The following XYLT1 variants were observed in gnomAD, a reference collection of about 807,000 sequenced individuals.
XYLT1 encodes xylosyltransferase 1.
In XYLT1, 36 loss-of-function variants were observed where a neutral mutation model predicts 91.3. That is an observed-to-expected ratio of 0.39 (90% CI 0.30 to 0.52). The LOEUF is 0.52. Ranked by LOEUF, XYLT1 falls within the 20% of genes least tolerant of loss-of-function variation. The probability of loss-of-function intolerance (pLI) is 0.68; values close to 1 mark genes in which losing one functional copy is unlikely to be tolerated. For synonymous variants in XYLT1, 588 were observed against 532.0 expected (o/e 1.11, Z -1.45); for missense variants, 1,242 against 1,284.5 (o/e 0.97, Z 0.51).
intron 2 of XYLT1, among the ~76,000 whole-genome samples, chr16:17,267,365 A>T (rs1301226131): frequency 6.6e-6 from 1 of 152,254 alleles, no homozygotes; most frequent in Non-Finnish European, 1.5e-5. Flanking sequence ...CAGCAGGATG[A>T]TATTTTAAGC....
Position 17,108,975 on chromosome 16 carries a change from T to C in XYLT1, c.2600A>G (p.Tyr867Cys). The change falls in exon 12 of 12, where the codon TAC becomes TGC. Residue 867 changes from tyrosine to cysteine, a missense_variant. Physicochemically the swap from Tyr to Cys is radical, Grantham distance 194 (BLOSUM62 -2). Coordinates refer to ENST00000261381, the MANE Select transcript of XYLT1 (RefSeq NM_022166.4). ...TAGGCTCTGGAAGCTCTGCTCCATG[T>C]AGGCATTGCGGAGGGGCCCATTGTG... is the stretch of plus-strand genomic sequence containing the variant. ...KLHNGPLRNAYMEQSFQSLNP... is the reference protein window; with the variant it reads ...KLHNGPLRNACMEQSFQSLNP... 3 of 1,562,254 alleles carry C rather than the reference T, an allele frequency of 1.9e-6. No homozygotes were observed. The highest frequency in any genetic ancestry group is 2.6e-6 in the Non-Finnish European group (3 of 1,146,186).
intron 2 of XYLT1, among the ~76,000 whole-genome samples, chr16:17,281,628 T>C (rs2034060227): frequency 1.3e-5 from 2 of 152,198 alleles, no homozygotes; most frequent in African/African-American, 4.8e-5. Context: ...CCTTTGTCTG[T>C]TGCACAGGGA....
intron 3 of XYLT1, among the ~76,000 whole-genome samples, chr16:17,240,894 T>C (rs1339118948): frequency 6.6e-6 from 1 of 152,168 alleles, no homozygotes; most frequent in African/African-American, 2.4e-5. Flanking sequence ...CAATGTTCCA[T>C]AGCTGTTGGT....
intron 2 of XYLT1, among the ~76,000 whole-genome samples, chr16:17,337,556 T>C (rs1340192748): frequency 1.3e-5 from 2 of 152,076 alleles, no homozygotes; most frequent in Non-Finnish European, 2.9e-5. Context: ...GACTTCACGT[T>C]GCTAAATCCA....
intron 1 of XYLT1, among the ~76,000 whole-genome samples, chr16:17,358,724 GT>G (rs1381635545): frequency 6.6e-6 from 1 of 152,182 alleles, no homozygotes. Flanking sequence ...TATAAGGAGA[GT>G]TTGGCTCCGT....
chr16:17,237,395 C>T (rs1448113881), intron 3 of XYLT1, among the ~76,000 whole-genome samples: 1 of 152,156 alleles, frequency 6.6e-6, no homozygotes, highest in African/African-American at 2.4e-5. Flanking sequence ...GACTCCTGCC[C>T]TCTCCTCTGC....
chr16:17,268,534 TATTAAA>T (rs147773801), intron 2 of XYLT1, among the ~76,000 whole-genome samples: 21,444 of 151,998 alleles, frequency 0.14, 2,454 homozygotes, highest in African/African-American at 0.32. Context: ...ATTTACTGAT[TATTAAA>T]ATTAAAAGTT....
chr16:17,138,445 C>T lies in XYLT1; in HGVS notation c.1674G>A (p.Lys558=). ...NNLRITNWNR[K]LGCKCQYKHI... is the part of the protein sequence containing the mutation. ...GCTTGTACTGGCACTTGCAGCCCAG[C>T]TTGCGATTCCAGTTGGTGATGCGCA... Residue 558 remains lysine (K), a synonymous_variant, in exon 8 of 12, where the codon AAG becomes AAA. Transcript: ENST00000261381. The T allele has an allele frequency of 6.2e-7, 1 of 1,614,214 alleles. No homozygotes were observed. Among genetic ancestry groups the T allele is most frequent in the Non-Finnish European group, 8.5e-7 (1 of 1,180,042 alleles).
chr16:17,129,907 C>T (rs1432131874), intron 9 of XYLT1, among the ~76,000 whole-genome samples: 3 of 152,192 alleles, frequency 2.0e-5, no homozygotes, highest in Non-Finnish European at 4.4e-5. Flanking sequence ...TTTCCTTGTA[C>T]CCGGGAGGCA....
intron 1 of XYLT1, among the ~76,000 whole-genome samples, chr16:17,383,202 G>A (rs117718906): frequency 9.2e-5 from 14 of 151,982 alleles, no homozygotes; most frequent in African/African-American, 1.9e-4. Flanking sequence ...CACAGGAAAT[G>A]CACAGCAGCT....
At position 17,108,649 on chromosome 16, in the gene XYLT1, G is replaced by A; in HGVS notation, c.*46C>T. ...TTCAGGCCCCACAACCCCTCTGGCTGCTTTCCCGTTGAGATCCTGCTGTGG... is the reference window on the plus strand; with the variant it reads ...TTCAGGCCCCACAACCCCTCTGGCTACTTTCCCGTTGAGATCCTGCTGTGG... On this transcript the variant is annotated 3_prime_UTR_variant, in exon 12 of 12. Transcript: ENST00000261381. The A allele has an allele frequency of 6.6e-7, 1 of 1,505,102 alleles. No individual in the cohort carries two copies. The highest frequency in any genetic ancestry group is 1.4e-5 in the African/African-American group (1 of 72,906). 93.2% of individuals were successfully genotyped at this position (1,505,102 alleles called of 1,614,324 possible).
chr16:17,431,754 G>A (rs1307458049), intron 1 of XYLT1, among the ~76,000 whole-genome samples: 2 of 152,216 alleles, frequency 1.3e-5, no homozygotes, highest in African/African-American at 4.8e-5. Context: ...AAATCACGTT[G>A]TCCAATAAAG....
intron 9 of XYLT1, among the ~76,000 whole-genome samples, chr16:17,129,909 C>T (rs753667751): frequency 2.6e-4 from 40 of 152,162 alleles, no homozygotes. Flanking sequence ...TCCTTGTACC[C>T]GGGAGGCAGA....
chr16:17,245,911 C>T (rs1012884756), intron 3 of XYLT1, among the ~76,000 whole-genome samples: 1 of 152,316 alleles, frequency 6.6e-6, no homozygotes, highest in Non-Finnish European at 1.5e-5. Flanking sequence ...AAACACAAGT[C>T]CTTAGCGTCT....
intron 5 of XYLT1, among the ~76,000 whole-genome samples, chr16:17,192,678 G>A (rs938489151): frequency 6.6e-6 from 1 of 152,182 alleles, no homozygotes; most frequent in Non-Finnish European, 1.5e-5. Flanking sequence ...CAGAGCAGGA[G>A]CACCTAGAGT....
At chr16:17,310,732 C>G (rs929705378) in intron 2 of XYLT1, among the ~76,000 whole-genome samples, 2 of 152,144 alleles carry the variant, frequency 1.3e-5, no homozygotes, top group Non-Finnish European at 2.9e-5. Flanking sequence ...ACCTGAAATC[C>G]TAGCTACTAG....
intron 2 of XYLT1, among the ~76,000 whole-genome samples, chr16:17,313,865 C>A (rs1410312456): frequency 6.6e-6 from 1 of 152,016 alleles, no homozygotes; most frequent in Non-Finnish European, 1.5e-5. Context: ...AAACTATGAA[C>A]CTACAGGGAG....
intron 1 of XYLT1, among the ~76,000 whole-genome samples, chr16:17,416,655 T>C (rs2036184096): frequency 6.6e-6 from 1 of 152,178 alleles, no homozygotes; most frequent in South Asian, 2.1e-4. Flanking sequence ...CAACAGCCTT[T>C]ACCCTCCCCA....
At chr16:17,343,433 T>G (rs1278445890) in intron 2 of XYLT1, among the ~76,000 whole-genome samples, 1 of 152,118 alleles carries the variant, frequency 6.6e-6, no homozygotes, top group East Asian at 1.9e-4. Context: ...TACATCCTTT[T>G]GTGCCTCAAG....
Sources: gnomAD v4.1 joint callset for allele counts (sites outside exome capture counted in the v4.1 genomes callset) on GRCh38, gnomAD v4.1.1 for gene constraint, MANE v1.5 for transcripts, NCBI Gene and HGNC (gene_info 2026-07-23, HGNC 2026-07-21) for gene names.